The following SNX8 variants were observed in gnomAD, a reference collection of about 807,000 sequenced individuals.
SNX8 encodes the protein sorting nexin 8, also known as sorting nexin-8.
A neutral mutation model predicts 51.6 loss-of-function variants in SNX8; 25 were observed. The ratio of observed to expected loss-of-function variants is 0.48; its 90% CI spans 0.35 to 0.68. The LOEUF (loss-of-function observed/expected upper bound fraction) is 0.68, where lower values mean the gene tolerates loss of function less well. SNX8 is among the 30% of genes least tolerant of loss of function. The probability of loss-of-function intolerance (pLI) is 0.00; values close to 1 mark genes in which losing one functional copy is unlikely to be tolerated. For synonymous variants in SNX8, 324 were observed against 277.0 expected, an observed-to-expected ratio of 1.17 and a Z score of -1.68; for missense variants, 695 against 624.0, an observed-to-expected ratio of 1.11 and a Z score of -1.21.
chr7:2,343,416 C>T (rs1197455001), intron 1 of SNX8, among the ~76,000 whole-genome samples: 1 of 152,020 alleles, frequency 6.6e-6, no homozygotes, highest in African/African-American at 2.4e-5. Context: ...TGGCTCACGC[C>T]TGTAATCCCA....
intron 1 of SNX8, among the ~76,000 whole-genome samples, chr7:2,347,203 T>C (rs1040178379): frequency 2.6e-5 from 4 of 151,996 alleles, no homozygotes; most frequent in Admixed American, 1.3e-4. Flanking sequence ...GCCTTTGGGC[T>C]GGGCGCAGTG....
chr7:2,351,790 C>A (rs1011213566), intron 1 of SNX8, among the ~76,000 whole-genome samples: 1 of 151,458 alleles, frequency 6.6e-6, no homozygotes, highest in Non-Finnish European at 1.5e-5. Context: ...GAGATAGCAC[C>A]ACTGCACTCC....
Position 2,254,578 on chromosome 7 carries a change from C to G in SNX8, c.*478G>C, listed in dbSNP as rs1419698992. ...TGCGTGCCCCACGCCCAATGGCCCTCCCTCCCAGCCTCAGCACCACTGGCT... is the reference window on the plus strand; with the variant it reads ...TGCGTGCCCCACGCCCAATGGCCCTGCCTCCCAGCCTCAGCACCACTGGCT... On this transcript the variant is annotated 3_prime_UTR_variant, in exon 11 of 11. Coordinates refer to ENST00000222990, the MANE Select transcript of SNX8 (RefSeq NM_013321.4). The G allele has an allele frequency of 2.3e-5, 4 of 177,188 alleles. No individual in the cohort carries two copies. The highest frequency in any genetic ancestry group is 7.2e-5 in the African/African-American group (3 of 41,778). The allele number at this position is 177,188 out of a possible 1,614,324, so 11.0% of individuals were successfully genotyped here.
chr7:2,321,693 T>C (rs57973954), intron 1 of SNX8, among the ~76,000 whole-genome samples: 41,398 of 142,512 alleles, frequency 0.29, 6,164 homozygotes, highest in Middle Eastern at 0.43. Context: ...GGATTACAGC[T>C]GTGAGCCACC....
chr7:2,281,904 C>A (rs944401068), intron 1 of SNX8, among the ~76,000 whole-genome samples: 18 of 152,166 alleles, frequency 1.2e-4, no homozygotes. Flanking sequence ...AGCAACCCCC[C>A]ACAGGCCCCT....
chr7:2,305,459 GTT>G (rs1333178253), intron 1 of SNX8, among the ~76,000 whole-genome samples: 1 of 152,066 alleles, frequency 6.6e-6, no homozygotes, highest in Admixed American at 6.6e-5. Flanking sequence ...TGCCTCCTGG[GTT>G]CAAGTGATTC....
chr7:2,342,862 G>A (rs1036166560), intron 1 of SNX8, among the ~76,000 whole-genome samples: 2 of 151,346 alleles, frequency 1.3e-5, no homozygotes, highest in Admixed American at 6.6e-5. Context: ...TCGCTCTGTC[G>A]CCTAGGCTGG....
chr7:2,352,032 T>C (rs973245395), intron 1 of SNX8, among the ~76,000 whole-genome samples: 4 of 149,346 alleles, frequency 2.7e-5, no homozygotes, highest in African/African-American at 7.4e-5. Flanking sequence ...CTCAGCCTCC[T>C]GAGTAGCTGA....
rs1795086734 is a variant in SNX8, at chr7:2,253,147, C to G, written c.*1909G>C. The G allele has an allele frequency of 6.5e-6, 1 of 154,574 alleles. No individual in the cohort carries two copies. Among genetic ancestry groups the G allele is most frequent in the Non-Finnish European group, 1.5e-5 (1 of 68,412 alleles). 9.6% of individuals were successfully genotyped at this position (154,574 alleles called of 1,614,324 possible). Reference sequence around the variant, plus strand: ...AGTTTCCAACACAGGGAGATGCCGCCAGGTATGTGGCCTCTCATACACTCA... The same window carrying G: ...AGTTTCCAACACAGGGAGATGCCGCGAGGTATGTGGCCTCTCATACACTCA... On this transcript the variant is annotated 3_prime_UTR_variant, in exon 11 of 11. Transcript: ENST00000222990.
chr7:2,288,405 T>C (rs1374460409), intron 1 of SNX8: 1 of 163,644 alleles, frequency 6.1e-6, no homozygotes, highest in Non-Finnish European at 1.5e-5. Context: ...TCTTAGTGAA[T>C]ATTTTTATGG....
At chr7:2,342,339 A>G (rs1778946814) in intron 1 of SNX8, among the ~76,000 whole-genome samples, 1 of 151,622 alleles carries the variant, frequency 6.6e-6, no homozygotes, top group Non-Finnish European at 1.5e-5. Context: ...AGTAATAATA[A>G]TCTCAAGGGT....
chr7:2,345,703 T>A (rs1448147285), intron 1 of SNX8, among the ~76,000 whole-genome samples: 3 of 151,132 alleles, frequency 2.0e-5, no homozygotes, highest in African/African-American at 7.3e-5. Context: ...GAAGAAGAAA[T>A]GTGAATAAGG....
At chr7:2,310,114 G>A (rs966386776) in intron 1 of SNX8, among the ~76,000 whole-genome samples, 3 of 152,120 alleles carry the variant, frequency 2.0e-5, no homozygotes, top group East Asian at 1.9e-4. Context: ...AGGATACGCC[G>A]TGGTCATCTG....
At chr7:2,307,361 A>G (rs1385400163) in intron 1 of SNX8, among the ~76,000 whole-genome samples, 2 of 152,010 alleles carry the variant, frequency 1.3e-5, no homozygotes, top group Non-Finnish European at 2.9e-5. Context: ...GACCAGGTGC[A>G]GTGGCTCACG....
chr7:2,281,001 C>A (rs1394628361), intron 1 of SNX8, among the ~76,000 whole-genome samples: 1 of 152,118 alleles, frequency 6.6e-6, no homozygotes, highest in Non-Finnish European at 1.5e-5. Context: ...CCATGTTGGC[C>A]AGACTGGTCT....
At chr7:2,279,300 C>T (rs933920909) in intron 1 of SNX8, among the ~76,000 whole-genome samples, 2 of 148,696 alleles carry the variant, frequency 1.3e-5, no homozygotes, top group African/African-American at 5.0e-5. Flanking sequence ...GAGTCGAAGC[C>T]GGACTCACTC....
chr7:2,299,354 G>C (rs1796342889), intron 1 of SNX8: 1 of 151,912 alleles, frequency 6.6e-6, no homozygotes. Flanking sequence ...CCGCTCAGAT[G>C]ATTTCCTCTG....
chr7:2,320,983 G>A (rs1007315063), intron 1 of SNX8, among the ~76,000 whole-genome samples: 2 of 151,418 alleles, frequency 1.3e-5, no homozygotes, highest in African/African-American at 4.9e-5. Context: ...TCGCGCCACT[G>A]CACTCCAGTC....
chr7:2,269,051 G>A (rs1475794608), intron 5 of SNX8, among the ~76,000 whole-genome samples: 41 of 129,264 alleles, frequency 3.2e-4, no homozygotes, highest in Admixed American at 7.1e-4. Context: ...CATTGAGAAC[G>A]GGCCAGGATG....
Sources: allele counts gnomAD v4.1 joint callset (sites outside exome capture counted in the v4.1 genomes callset), GRCh38; gene constraint gnomAD v4.1.1; transcripts MANE v1.5; gene names NCBI Gene and HGNC (gene_info 2026-07-23, HGNC 2026-07-21).